The following ZNF236 variants were observed in gnomAD, a reference collection of about 807,000 sequenced individuals.
ZNF236 encodes the protein regulated by glucose.
Under a neutral mutation model 191.2 loss-of-function variants are expected in ZNF236, and 50 were observed. The observed-to-expected ratio is 0.26, with a 90% CI of 0.21 to 0.33. The LOEUF is 0.33. Ranked by LOEUF, ZNF236 falls within the 10% of genes least tolerant of loss-of-function variation. The pLI, the probability that ZNF236 is intolerant of heterozygous loss-of-function variation, is 1.00. For synonymous variants in ZNF236, 907 were observed against 928.8 expected (o/e 0.98, Z 0.43); for missense variants, 1,754 against 2,374.5 (o/e 0.74, Z 5.43).
intron 14 of ZNF236, among the ~76,000 whole-genome samples, chr18:76,909,527 A>T (rs1435813790): frequency 6.6e-6 from 1 of 152,144 alleles, no homozygotes; most frequent in Non-Finnish European, 1.5e-5. Context: ...AGGCTCCTGA[A>T]CCAGAATATA....
intron 1 of ZNF236, among the ~76,000 whole-genome samples, chr18:76,846,346 T>C (rs1190468619): frequency 2.0e-5 from 3 of 152,106 alleles, no homozygotes; most frequent in African/African-American, 7.2e-5. Flanking sequence ...ACCAAAGGTG[T>C]TATTTGAGGC....
At position 76,915,701 on chromosome 18, in the gene ZNF236, G is replaced by A; in HGVS notation, c.3116G>A (p.Ser1039Asn). 1 of 1,614,148 alleles carries A rather than the reference G, an allele frequency of 6.2e-7. No individual in the cohort carries two copies. The highest frequency in any genetic ancestry group is 1.1e-5 in the South Asian group (1 of 91,080). Residue 1039 changes from serine (S) to asparagine (N), a missense_variant, in exon 19 of 31, where the codon AGC becomes AAC. Ser to Asn is a conservative substitution (Grantham distance 46, BLOSUM62 1). Around this residue, in one of 5 missense-constraint regions of ZNF236, gnomAD observed 641 missense variants for 869.6 expected, o/e 0.74. Coordinates refer to ENST00000320610, the MANE Select transcript of ZNF236 (RefSeq NM_001306089.2). ...AATGCTTCCTTCACCACCAATGGCA[G>A]CCTCACCCGGCACATGGCCACACAT... ...VCNASFTTNGSLTRHMATHMS... is the reference protein window; with the variant it reads ...VCNASFTTNGNLTRHMATHMS...
Position 76,960,592 on chromosome 18 carries a change from A to T in ZNF236, c.5243-87A>T. On this transcript the variant is annotated intron_variant, in intron 29 of 30. Coordinates refer to ENST00000320610, the MANE Select transcript of ZNF236 (RefSeq NM_001306089.2). The surrounding 1 kb of genome is among the most constrained non-coding windows in gnomAD (Gnocchi z 4.4). ...AGCCTAAAAGAAAAGAGGAACATTCAGTCCCTCTTGTTCATACCTCAGGGT... is the reference window on the plus strand; with the variant it reads ...AGCCTAAAAGAAAAGAGGAACATTCTGTCCCTCTTGTTCATACCTCAGGGT... 1 of 1,449,772 alleles carries T rather than the reference A, an allele frequency of 6.9e-7. No individual in the cohort carries two copies. The highest frequency in any genetic ancestry group is 9.6e-7 in the Non-Finnish European group (1 of 1,040,356). The allele number at this position is 1,449,772 out of a possible 1,614,324, so 89.8% of individuals were successfully genotyped here. A position where few individuals can be genotyped will look rare whatever the true frequency, so the allele number is the denominator to read the frequency against.
intron 4 of ZNF236, among the ~76,000 whole-genome samples, chr18:76,871,327 G>A (rs1490416494): frequency 6.6e-6 from 1 of 152,098 alleles, no homozygotes; most frequent in Admixed American, 6.5e-5. Flanking sequence ...GTATGCAGAT[G>A]GTGCGGAGAG....
intron 9 of ZNF236, among the ~76,000 whole-genome samples, chr18:76,893,088 T>C (rs1474615226): frequency 6.6e-6 from 1 of 152,222 alleles, no homozygotes; most frequent in Non-Finnish European, 1.5e-5. Flanking sequence ...TTCACAGATA[T>C]TAGAACCTGG....
chr18:76,863,341 T>C lies in ZNF236; in HGVS notation c.364-5344T>C, dbSNP rs1946069890. ...CTTGGTAAAAGTCATAACTCACAGATTGAAGAATTCCAAACAGGATAAACC... is the reference window on the plus strand; with the variant it reads ...CTTGGTAAAAGTCATAACTCACAGACTGAAGAATTCCAAACAGGATAAACC... On this transcript the variant is annotated intron_variant, in intron 3 of 30. Transcript: ENST00000320610. Among the ~76,000 whole-genome samples the C allele has an allele frequency of 2.0e-5, 3 of 152,246 alleles. No individual in the cohort carries two copies. In the South Asian group the frequency reaches 6.2e-4, roughly 32 times the overall value.
At chr18:76,917,510 A>T (rs549070590) in intron 19 of ZNF236, among the ~76,000 whole-genome samples, 3 of 152,158 alleles carry the variant, frequency 2.0e-5, no homozygotes, top group Admixed American at 2.0e-4. Context: ...ATTGTGGGGG[A>T]AACTGCAGAT....
chr18:76,939,521 GGGGGAGGC>G (rs1471343653), intron 26 of ZNF236, among the ~76,000 whole-genome samples: 3 of 152,158 alleles, frequency 2.0e-5, no homozygotes, highest in African/African-American at 7.2e-5. Flanking sequence ...GCAGTGGGCA[GGGGGAGGC>G]TGGATGGGAG....
intron 2 of ZNF236, 26 bp from the exon 3 acceptor site, chr18:76,851,749 G>C (rs377336329): frequency 4.5e-5 from 72 of 1,590,460 alleles, no homozygotes; most frequent in Non-Finnish European, 5.7e-5. Context: ...TATTTCAGTG[G>C]CTTCTTCACT....
intron 5 of ZNF236, among the ~76,000 whole-genome samples, chr18:76,872,915 C>CT (rs557550613): frequency 2.9e-4 from 44 of 151,006 alleles, no homozygotes; most frequent in Middle Eastern, 6.8e-3. Flanking sequence ...TGTTACATTG[C>CT]TTTTTTTTTA....
intron 3 of ZNF236, among the ~76,000 whole-genome samples, chr18:76,866,447 G>A (rs779866559): frequency 2.0e-5 from 3 of 152,180 alleles, no homozygotes; most frequent in Non-Finnish European, 2.9e-5. Context: ...GAGGGGATTC[G>A]GAGAAGGGGA....
intron 1 of ZNF236, among the ~76,000 whole-genome samples, chr18:76,836,440 G>A (rs1031721814): frequency 2.0e-5 from 3 of 151,310 alleles, no homozygotes; most frequent in Non-Finnish European, 2.9e-5. Context: ...GCCCTTAAAC[G>A]CCTGGCCTCA....
At position 76,904,360 on chromosome 18, in the gene ZNF236, G is replaced by A; in HGVS notation, c.1895-20G>A. 1.3e-6 allele frequency: 2 copies of A among 1,583,722 alleles called. No homozygotes were observed. Among genetic ancestry groups the A allele is most frequent in the Non-Finnish European group, 8.6e-7 (1 of 1,167,530 alleles). On this transcript the variant is annotated intron_variant, in intron 11 of 30. Coordinates refer to ENST00000320610, the MANE Select transcript of ZNF236 (RefSeq NM_001306089.2). ...CTAGCATTGACAGTGAATTACATCT[G>A]CTTTTCTTTTGCTTTGTAGGTCTCA...
At chr18:76,901,770 AG>A (rs1369666001) in intron 11 of ZNF236, among the ~76,000 whole-genome samples, 30 of 152,210 alleles carry the variant, frequency 2.0e-4, no homozygotes, top group African/African-American at 7.0e-4. Flanking sequence ...AAAAAAAAAA[AG>A]TCTGATAATT....
intron 1 of ZNF236, among the ~76,000 whole-genome samples, chr18:76,844,623 G>A (rs962504946): frequency 6.6e-6 from 1 of 152,210 alleles, no homozygotes; most frequent in African/African-American, 2.4e-5. Context: ...ACATCATTAA[G>A]ATTTATGGAT....
chr18:76,831,853 G>A (rs1018683243), intron 1 of ZNF236, among the ~76,000 whole-genome samples: 2 of 152,078 alleles, frequency 1.3e-5, no homozygotes, highest in African/African-American at 4.8e-5. Context: ...CTTCTTTGGT[G>A]AAGGGCTGTA....
At chr18:76,834,440 T>G (rs534402933) in intron 1 of ZNF236, 2 of 271,424 alleles carry the variant, frequency 7.4e-6, no homozygotes, top group African/African-American at 4.5e-5. Context: ...TATTCCTGCA[T>G]CTGCTCAATT....
At chr18:76,895,956 A>G (rs966225726) in intron 10 of ZNF236, among the ~76,000 whole-genome samples, 4 of 151,748 alleles carry the variant, frequency 2.6e-5, no homozygotes, top group Non-Finnish European at 5.9e-5. Flanking sequence ...AGTACCACAC[A>G]CAAGTATGGC....
At chr18:76,823,252 C>T (rs963518641) in intron 1 of ZNF236, among the ~76,000 whole-genome samples, 2 of 151,058 alleles carry the variant, frequency 1.3e-5, no homozygotes, top group Non-Finnish European at 3.0e-5. Flanking sequence ...GTCGTGCACA[C>T]AGTGTGCTCC....
Sources: allele counts gnomAD v4.1 joint callset (sites outside exome capture counted in the v4.1 genomes callset), GRCh38; gene constraint gnomAD v4.1.1; regional missense constraint gnomAD v4.1.1; non-coding constraint Gnocchi (gnomAD v3.1); transcripts MANE v1.5; gene names NCBI Gene and HGNC (gene_info 2026-07-23, HGNC 2026-07-21).